Variants in FHL5 observed in about 807,000 individuals in gnomAD.
FHL5 encodes the protein four and a half LIM domains 5, also known as four and a half LIM domains protein 5.
A neutral mutation model predicts 32.0 loss-of-function variants in FHL5; 33 were observed. The ratio of observed to expected loss-of-function variants is 1.03; its 90% CI spans 0.78 to 1.38. The LOEUF (loss-of-function observed/expected upper bound fraction) is 1.38. FHL5 is among the 40% of genes most tolerant of loss of function. FHL5 has a pLI of 0.00. For missense variants in FHL5, 336 were observed against 343.9 expected, an observed-to-expected ratio of 0.98 and a Z score of 0.18; for synonymous variants, 114 against 113.6, an observed-to-expected ratio of 1.00 and a Z score of -0.02.
At chr6:96,608,543 T>A (rs1376899477) in intron 4 of FHL5, among the ~76,000 whole-genome samples, 5 of 152,206 alleles carry the variant, frequency 3.3e-5, no homozygotes, top group Admixed American at 3.3e-4. Context: ...TTTTAAGCTT[T>A]AAAATCCATA....
chr6:96,579,924 A>G (rs1341424499), intron 1 of FHL5, among the ~76,000 whole-genome samples: 2 of 152,168 alleles, frequency 1.3e-5, no homozygotes, highest in Admixed American at 1.3e-4. Flanking sequence ...GTAAGAGTCT[A>G]AAGTCTGTAG....
chr6:96,613,436 G>A (rs74619757), intron 5 of FHL5, among the ~76,000 whole-genome samples: 2,479 of 152,286 alleles, frequency 0.016, 63 homozygotes, highest in African/African-American at 0.048. Flanking sequence ...TGCAGTGAAA[G>A]GTGCTCTGGA....
In FHL5 at chr6:96,564,744, G is replaced by C. The variant is rs142662581; in HGVS notation, c.-13+1389G>C. Among the ~76,000 whole-genome samples the C allele has an allele frequency of 3.7e-3, 561 of 152,230 alleles. 3 individuals carry two copies. Among genetic ancestry groups the C allele is most frequent in the African/African-American group, 0.013 (529 of 41,544 alleles). On this transcript the variant is annotated intron_variant, in intron 1 of 5. Transcript: ENST00000450218. ...CTTTAGAAATGAAAGCTGAATACTTGGGTTCGCATGGGAAGCTCTGAATCA... is the reference window on the plus strand; with the variant it reads ...CTTTAGAAATGAAAGCTGAATACTTCGGTTCGCATGGGAAGCTCTGAATCA...
intron 1 of FHL5, among the ~76,000 whole-genome samples, chr6:96,566,567 G>A (rs952960772): frequency 8.6e-5 from 13 of 151,914 alleles, no homozygotes; most frequent in Non-Finnish European, 1.6e-4. Context: ...AATTTTTTGA[G>A]GAACCTTCAA....
At chr6:96,591,930 G>T (rs1474292558) in intron 1 of FHL5, among the ~76,000 whole-genome samples, 1 of 152,136 alleles carries the variant, frequency 6.6e-6, no homozygotes, top group South Asian at 2.1e-4. Context: ...TTTCAATGGG[G>T]AGGGAGTGTA....
At chr6:96,579,113 G>A (rs1259824000) in intron 1 of FHL5, among the ~76,000 whole-genome samples, 1 of 152,106 alleles carries the variant, frequency 6.6e-6, no homozygotes, top group African/African-American at 2.4e-5. Flanking sequence ...GTCTTCTTAT[G>A]AAGATTTTAA....
chr6:96,586,122 C>G (rs1478494040), intron 1 of FHL5, among the ~76,000 whole-genome samples: 3 of 152,220 alleles, frequency 2.0e-5, no homozygotes, highest in Non-Finnish European at 4.4e-5. Flanking sequence ...GCTCAATTCA[C>G]AAGCATCCCA....
intron 1 of FHL5, among the ~76,000 whole-genome samples, chr6:96,585,807 T>C (rs1770785525): frequency 6.6e-6 from 1 of 152,204 alleles, no homozygotes; most frequent in Non-Finnish European, 1.5e-5. Flanking sequence ...ACCGTAATTA[T>C]ATCCTAGTGC....
At chr6:96,608,530 A>C (rs1771332033) in intron 4 of FHL5, among the ~76,000 whole-genome samples, 1 of 152,188 alleles carries the variant, frequency 6.6e-6, no homozygotes, top group African/African-American at 2.4e-5. Flanking sequence ...AGGCTGTTAG[A>C]ACTTTTAAGC....
intron 1 of FHL5, among the ~76,000 whole-genome samples, chr6:96,566,551 A>T (rs1286364167): frequency 2.0e-5 from 3 of 151,908 alleles, no homozygotes; most frequent in Non-Finnish European, 4.4e-5. Flanking sequence ...CGGTAGTTCT[A>T]TTTTTAATTT....
At chr6:96,604,326 T>G (rs1051418235) in intron 2 of FHL5, among the ~76,000 whole-genome samples, 1 of 151,952 alleles carries the variant, frequency 6.6e-6, no homozygotes, top group African/African-American at 2.4e-5. Context: ...TCTCTCTCTC[T>G]CTCTCTGTCT....
chr6:96,583,441 A>G (rs1252497617), intron 1 of FHL5, among the ~76,000 whole-genome samples: 2 of 152,142 alleles, frequency 1.3e-5, no homozygotes, highest in Middle Eastern at 3.2e-3. Flanking sequence ...CATTGCACCA[A>G]CATTTCAGTT....
intron 1 of FHL5, among the ~76,000 whole-genome samples, chr6:96,563,864 C>T (rs560757941): frequency 6.6e-6 from 1 of 152,170 alleles, no homozygotes; most frequent in Admixed American, 6.5e-5. Flanking sequence ...TGCCTACTTT[C>T]CAGAAGTGGG....
At position 96,609,929 on chromosome 6, in the gene FHL5, G is replaced by A. The variant is rs1771364027; in HGVS notation, c.505-643G>A. 2.0e-5 allele frequency among the ~76,000 whole-genome samples: 3 copies of A among 152,184 alleles called. No individual in the cohort carries two copies. In the South Asian group the frequency reaches 6.2e-4, roughly 32 times the overall value. On this transcript the variant is annotated intron_variant, in intron 4 of 5. Transcript: ENST00000450218. The stretch of plus-strand genomic sequence containing the variant: ...TATGTAGAGGTGTTGAGAATATTCA[G>A]AAGAGATCATCCTTAGCACGGTGGT...
chr6:96,581,503 T>C (rs1005692070), intron 1 of FHL5, among the ~76,000 whole-genome samples: 1 of 152,170 alleles, frequency 6.6e-6, no homozygotes, highest in South Asian at 2.1e-4. Context: ...AGCTGATCAA[T>C]GTGTGTTACA....
chr6:96,579,305 C>T (rs954800943), intron 1 of FHL5, among the ~76,000 whole-genome samples: 14 of 152,034 alleles, frequency 9.2e-5, no homozygotes, highest in South Asian at 2.1e-4. Context: ...TAGGAAGGCA[C>T]GTTTGATTTT....
At chr6:96,581,238 G>T (rs1408168992) in intron 1 of FHL5, among the ~76,000 whole-genome samples, 2 of 151,986 alleles carry the variant, frequency 1.3e-5, no homozygotes, top group African/African-American at 4.8e-5. Flanking sequence ...ATTGAATAAG[G>T]ATTTATTTTT....
upstream of FHL5, among the ~76,000 whole-genome samples, chr6:96,562,932 C>T (rs1010510830): frequency 1.3e-5 from 2 of 152,068 alleles, no homozygotes; most frequent in African/African-American, 4.8e-5. Context: ...TAAATATGCC[C>T]TTAATTTAGC....
intron 1 of FHL5, among the ~76,000 whole-genome samples, chr6:96,567,327 A>G (rs190826854): frequency 8.9e-4 from 135 of 152,014 alleles, no homozygotes; most frequent in African/African-American, 3.2e-3. Context: ...TGGGTTCTCT[A>G]TTATGCTCCA....
Sources: gnomAD v4.1 joint callset for allele counts (sites outside exome capture counted in the v4.1 genomes callset) on GRCh38, gnomAD v4.1.1 for gene constraint, MANE v1.5 for transcripts, NCBI Gene and HGNC (gene_info 2026-07-23, HGNC 2026-07-21) for gene names.